Variants in ABTB2 observed in about 807,000 individuals in gnomAD.
ABTB2 encodes ankyrin repeat and BTB domain containing 2.
Under a neutral mutation model 104.1 loss-of-function variants are expected in ABTB2, and 56 were observed. The observed-to-expected ratio is 0.54, with a 90% confidence interval of 0.43 to 0.67. ABTB2 has a LOEUF of 0.67. Ranked by LOEUF, ABTB2 falls within the 30% of genes least tolerant of loss-of-function variation. ABTB2 has a pLI of 0.00. For synonymous variants in ABTB2, 606 were observed against 608.2 expected, an observed-to-expected ratio of 1.00 and a Z score of 0.05; for missense variants, 1,279 against 1,407.7, an observed-to-expected ratio of 0.91 and a Z score of 1.46.
chr11:34,276,583 C>T (rs1417165474), intron 1 of ABTB2, among the ~76,000 whole-genome samples: 2 of 152,308 alleles, frequency 1.3e-5, no homozygotes, highest in African/African-American at 2.4e-5. Context: ...TTGGCATGCA[C>T]ATCTGGATTA....
chr11:34,343,935 T>C (rs572940458), intron 1 of ABTB2, among the ~76,000 whole-genome samples: 2 of 152,208 alleles, frequency 1.3e-5, no homozygotes. Context: ...AATCAGACAG[T>C]GACAACTCCT....
chr11:34,218,259 T>C (rs2746625), intron 1 of ABTB2, among the ~76,000 whole-genome samples: 218 of 152,354 alleles, frequency 1.4e-3, no homozygotes, highest in African/African-American at 5.0e-3. Context: ...TTCACTCTCT[T>C]GGCACTGTCT....
rs916852228 is a variant in ABTB2 at position 34,357,593 on chromosome 11, G to A, written c.-10C>T. The stretch of plus-strand genomic sequence containing the variant: ...TGTACGTCCCGGCCATGGGGAGCCT[G>A]CCGAGGGCGGCGTCGCCGAGCGAGG... On this transcript the variant is annotated 5_prime_UTR_variant, in exon 1 of 17. Transcript: ENST00000435224. 7.3e-6 allele frequency: 11 copies of A among 1,497,488 alleles called. No homozygotes were observed. The South Asian group carries it at 7.4e-5, about 10-fold the overall frequency. The allele number at this position is 1,497,488 out of a possible 1,614,324, so 92.8% of individuals were successfully genotyped here.
chr11:34,300,746 A>G (rs555337235), intron 1 of ABTB2, among the ~76,000 whole-genome samples: 2 of 152,204 alleles, frequency 1.3e-5, no homozygotes, highest in South Asian at 2.1e-4. Flanking sequence ...AAGTCTTGGT[A>G]CGCAATAAAG....
chr11:34,168,661 C>CTT (rs1464433165), intron 5 of ABTB2, among the ~76,000 whole-genome samples: 1 of 152,214 alleles, frequency 6.6e-6, no homozygotes, highest in Non-Finnish European at 1.5e-5. Flanking sequence ...GGGCAGGAAC[C>CTT]AGGCCTCCAT....
chr11:34,229,121 G>GAA (rs370579783), intron 1 of ABTB2, among the ~76,000 whole-genome samples: 9 of 103,776 alleles, frequency 8.7e-5, no homozygotes, highest in African/African-American at 3.3e-4. Context: ...CTCCGTCTTG[G>GAA]AAAAAAAAAA....
In ABTB2 at chr11:34,344,229, AG is replaced by A. The variant is rs1289596785; in HGVS notation, c.883+12471del. On this transcript the variant is annotated intron_variant, in intron 1 of 16. Coordinates refer to ENST00000435224, the MANE Select transcript of ABTB2 (RefSeq NM_145804.3). ...CACAGAACAATTGGACTAATTAAACAGCCCCCATTTTAATGACAGGAAACAA... is the reference window on the plus strand; with the variant it reads ...CACAGAACAATTGGACTAATTAAACACCCCCATTTTAATGACAGGAAACAA... Among the ~76,000 whole-genome samples, 5 of 152,312 alleles carry A rather than the reference AG, an allele frequency of 3.3e-5. No homozygotes were observed. In the East Asian group the frequency reaches 7.7e-4, roughly 24 times the overall value.
intron 1 of ABTB2, among the ~76,000 whole-genome samples, chr11:34,268,397 G>C (rs1854274620): frequency 6.6e-6 from 1 of 152,262 alleles, no homozygotes; most frequent in Non-Finnish European, 1.5e-5. Flanking sequence ...GTGGATGCTA[G>C]GGATGGGGAC....
intron 1 of ABTB2, among the ~76,000 whole-genome samples, chr11:34,226,004 G>C (rs1365490728): frequency 6.6e-6 from 1 of 151,718 alleles, no homozygotes; most frequent in Non-Finnish European, 1.5e-5. Context: ...AGGAGTTTGA[G>C]AGCAGCCTGG....
At chr11:34,313,772 G>A (rs1172150086) in intron 1 of ABTB2, among the ~76,000 whole-genome samples, 4 of 152,202 alleles carry the variant, frequency 2.6e-5, no homozygotes, top group African/African-American at 4.8e-5. Context: ...GTGGATCTGT[G>A]TAAAGCACTC....
intron 1 of ABTB2, chr11:34,335,192 A>AC: frequency 7.9e-7 from 1 of 1,261,630 alleles, no homozygotes; most frequent in Non-Finnish European, 1.2e-6. Flanking sequence ...CTACACGGGT[A>AC]CCCCAGAGAC....
intron 1 of ABTB2, among the ~76,000 whole-genome samples, chr11:34,314,856 C>G (rs1467548267): frequency 6.6e-6 from 1 of 152,172 alleles, no homozygotes; most frequent in Non-Finnish European, 1.5e-5. Flanking sequence ...CCCTGTGTGA[C>G]AGCACAGGCT....
chr11:34,292,425 G>C (rs1234280732), intron 1 of ABTB2, among the ~76,000 whole-genome samples: 1 of 152,156 alleles, frequency 6.6e-6, no homozygotes, highest in South Asian at 2.1e-4. Flanking sequence ...TGTGAAGATG[G>C]CAGCCTTCAC....
intron 1 of ABTB2, among the ~76,000 whole-genome samples, chr11:34,269,268 A>G (rs892605911): frequency 9.9e-5 from 15 of 152,164 alleles, no homozygotes; most frequent in Non-Finnish European, 1.6e-4. Flanking sequence ...GGATGGAAGC[A>G]CTCGATAGGA....
intron 11 of ABTB2, 133 bp downstream of exon 11, chr11:34,160,770 G>A (rs1852705689): frequency 9.2e-6 from 9 of 975,226 alleles, no homozygotes; most frequent in African/African-American, 1.7e-5. Flanking sequence ...GCTGAGGGCA[G>A]GCGTGTGAGT....
chr11:34,289,786 G>C (rs985862202), intron 1 of ABTB2, among the ~76,000 whole-genome samples: 3 of 152,174 alleles, frequency 2.0e-5, no homozygotes, highest in African/African-American at 7.2e-5. Flanking sequence ...CCAGAACAAA[G>C]GAGGCCTGGG....
intron 1 of ABTB2, among the ~76,000 whole-genome samples, chr11:34,297,202 G>A (rs7939713): frequency 0.16 from 24,424 of 152,054 alleles, 2,144 homozygotes; most frequent in South Asian, 0.28. Context: ...GGTGTTCCAC[G>A]GATTTATGAA....
intron 1 of ABTB2, among the ~76,000 whole-genome samples, chr11:34,338,861 G>A (rs1262201686): frequency 1.3e-5 from 2 of 152,114 alleles, no homozygotes; most frequent in Non-Finnish European, 2.9e-5. Flanking sequence ...GAGGAAAAAA[G>A]CAGAACCTAA....
chr11:34,325,274 G>T (rs1046480994), intron 1 of ABTB2, among the ~76,000 whole-genome samples: 2 of 152,192 alleles, frequency 1.3e-5, no homozygotes, highest in African/African-American at 4.8e-5. Context: ...ACTATCAGAG[G>T]AAGGTCTGAA....
Sources: allele counts gnomAD v4.1 joint callset (sites outside exome capture counted in the v4.1 genomes callset), GRCh38; gene constraint gnomAD v4.1.1; transcripts MANE v1.5; gene names NCBI Gene and HGNC (gene_info 2026-07-23, HGNC 2026-07-21).